Variants in LRRC7 observed in about 807,000 individuals in gnomAD.
LRRC7 encodes leucine rich repeat containing 7.
A neutral mutation model predicts 175.7 loss-of-function variants in LRRC7; 23 were observed. The observed-to-expected ratio is 0.13, with a 90% confidence interval of 0.09 to 0.19. LRRC7 has a LOEUF of 0.19. Ranked by LOEUF, LRRC7 falls within the 10% of genes least tolerant of loss-of-function variation. The pLI is 1.00. For missense variants in LRRC7, 1,354 were observed against 1,904.7 expected (o/e 0.71, Z 5.38); for synonymous variants, 685 against 680.9 (o/e 1.01, Z -0.09).
rs550624815 is a variant in LRRC7 at position 69,880,067 on chromosome 1, C to G, written c.647+41784C>G. Among the ~76,000 whole-genome samples the G allele has an allele frequency of 2.0e-4, 30 of 152,200 alleles. No individual in the cohort carries two copies. The South Asian group carries it at 6.0e-3, about 31-fold the overall frequency. On this transcript the variant is annotated intron_variant, in intron 7 of 26. Coordinates refer to ENST00000651989, the MANE Select transcript of LRRC7 (RefSeq NM_001370785.2). ...TAATTACAGGAAGTTGGTATTTCTC[C>G]GGGAAATGCTCCGAGACACTGGAGA...
At chr1:69,588,902 T>G (rs1164573064) in intron 1 of LRRC7, among the ~76,000 whole-genome samples, 1 of 152,084 alleles carries the variant, frequency 6.6e-6, no homozygotes, top group Non-Finnish European at 1.5e-5. Context: ...CTTGACAAAC[T>G]TATCAAGTTG....
chr1:69,891,254 G>A (rs1439966545), intron 7 of LRRC7, among the ~76,000 whole-genome samples: 2 of 152,194 alleles, frequency 1.3e-5, no homozygotes, highest in African/African-American at 4.8e-5. Flanking sequence ...GACCATTATA[G>A]GGTTATTGAT....
At chr1:70,035,890 A>G (rs569476893) in intron 18 of LRRC7, among the ~76,000 whole-genome samples, 2 of 152,174 alleles carry the variant, frequency 1.3e-5, no homozygotes, top group Non-Finnish European at 2.9e-5. Flanking sequence ...AGTGCCAGGC[A>G]TATAAACAAC....
At chr1:69,626,140 TTGG>T (rs1253850166) in intron 1 of LRRC7, among the ~76,000 whole-genome samples, 55 of 152,318 alleles carry the variant, frequency 3.6e-4, no homozygotes, top group African/African-American at 1.3e-3. Flanking sequence ...TCAGTCCATC[TTGG>T]GACCCGTTAA....
Position 70,136,082 on chromosome 1 carries a change from TG to T in LRRC7, c.*14196del, listed in dbSNP as rs1666859247. ...GTGTGTCTGTGTGTGTGTCTGTGTG[TG>T]TGTGTGTGTGTGTGTCTATATATCT... is the stretch of plus-strand genomic sequence containing the variant. On this transcript the variant is annotated 3_prime_UTR_variant, in exon 27 of 27. Coordinates refer to ENST00000651989, the MANE Select transcript of LRRC7 (RefSeq NM_001370785.2). Among the ~76,000 whole-genome samples, 2 of 146,942 alleles carry T rather than the reference TG, an allele frequency of 1.4e-5. No homozygotes were observed. Among genetic ancestry groups the T allele is most frequent in the Admixed American group, 6.7e-5 (1 of 14,920 alleles).
At chr1:69,819,554 GCTCT>G (rs147116955) in intron 4 of LRRC7, among the ~76,000 whole-genome samples, 41 of 134,584 alleles carry the variant, frequency 3.0e-4, no homozygotes, top group East Asian at 9.1e-4. Context: ...TGAATGGAAT[GCTCT>G]CTCTCTCTCT....
At chr1:69,627,253 A>C (rs36185275) in intron 1 of LRRC7, among the ~76,000 whole-genome samples, 3,829 of 152,162 alleles carry the variant, frequency 0.025, 84 homozygotes, top group Non-Finnish European at 0.042. Context: ...CTGACTTTTT[A>C]ATGATCACCA....
chr1:69,785,741 G>C lies in LRRC7; in HGVS notation c.304-6302G>C, dbSNP rs148266210. On this transcript the variant is annotated intron_variant, in intron 3 of 26. Coordinates refer to ENST00000651989, the MANE Select transcript of LRRC7 (RefSeq NM_001370785.2). ...TTTAACTTTGATCTAAAGTTAATCA[G>C]TATCTTTGCCTTCCTCCCAAACAAT... Among the ~76,000 whole-genome samples the C allele has an allele frequency of 6.6e-5, 10 of 151,986 alleles. No homozygotes were observed. In the East Asian group the frequency reaches 1.9e-3, roughly 29 times the overall value.
intron 2 of LRRC7, among the ~76,000 whole-genome samples, chr1:69,752,958 A>G (rs1227284150): frequency 6.6e-6 from 1 of 152,094 alleles, no homozygotes; most frequent in African/African-American, 2.4e-5. Context: ...CTGTGTGCAG[A>G]CATGTGGTAA....
At chr1:69,802,755 G>T (rs1165729068) in intron 4 of LRRC7, among the ~76,000 whole-genome samples, 1 of 151,132 alleles carries the variant, frequency 6.6e-6, no homozygotes, top group African/African-American at 2.4e-5. Flanking sequence ...TTTTCCTGTT[G>T]TAATGTTTTT....
chr1:69,568,639 G>C lies in LRRC7; in HGVS notation c.-1G>C, dbSNP rs1434153999. 6 of 1,352,236 alleles carry C rather than the reference G, an allele frequency of 4.4e-6. No individual in the cohort carries two copies. The highest frequency in any genetic ancestry group is 5.9e-6 in the Non-Finnish European group (6 of 1,016,028). 83.8% of individuals were successfully genotyped at this position (1,352,236 alleles called of 1,614,324 possible). On this transcript the variant is annotated splice_region_variant and 5_prime_UTR_variant, in exon 1 of 27. Coordinates refer to ENST00000651989, the MANE Select transcript of LRRC7 (RefSeq NM_001370785.2). ...CTCATGGGCAGTTTCTCCCGCCGGC[G>C]ATGTGAGTAAGGCACGCTCGCTCCG... is the stretch of plus-strand genomic sequence containing the variant.
chr1:69,909,010 T>C (rs989697629), intron 7 of LRRC7, among the ~76,000 whole-genome samples: 2 of 151,812 alleles, frequency 1.3e-5, no homozygotes, highest in African/African-American at 4.8e-5. Context: ...AATTGATCCC[T>C]TTACCATTAT....
chr1:69,668,868 G>A (rs1658655738), intron 1 of LRRC7, among the ~76,000 whole-genome samples: 1 of 152,150 alleles, frequency 6.6e-6, no homozygotes, highest in South Asian at 2.1e-4. Context: ...TCTCATTGGA[G>A]TTTTGATTTG....
At chr1:69,911,921 A>G (rs577980605) in intron 7 of LRRC7, among the ~76,000 whole-genome samples, 22 of 150,234 alleles carry the variant, frequency 1.5e-4, no homozygotes, top group African/African-American at 5.3e-4. Flanking sequence ...AAATATTTGA[A>G]AAAAAAAAAA....
intron 8 of LRRC7, among the ~76,000 whole-genome samples, chr1:69,978,075 A>T (rs142326155): frequency 0.013 from 2,028 of 152,290 alleles, 45 homozygotes; most frequent in African/African-American, 0.047. Flanking sequence ...AGGCAGGTGG[A>T]TCACCTGAAG....
intron 1 of LRRC7, among the ~76,000 whole-genome samples, chr1:69,652,313 A>G (rs573989327): frequency 4.9e-4 from 74 of 152,328 alleles, no homozygotes; most frequent in African/African-American, 1.7e-3. Context: ...CAAAATCAAC[A>G]CACAAAAAAT....
At chr1:70,074,073 AG>A (rs1179461595) in intron 23 of LRRC7, among the ~76,000 whole-genome samples, 1 of 152,056 alleles carries the variant, frequency 6.6e-6, no homozygotes, top group Admixed American at 6.6e-5. Context: ...ATGGTGATGC[AG>A]GCCTGTAATC....
chr1:69,984,894 TC>T (rs1653791679), intron 9 of LRRC7, among the ~76,000 whole-genome samples: 1 of 152,196 alleles, frequency 6.6e-6, no homozygotes, highest in Admixed American at 6.5e-5. Flanking sequence ...AGAAACCCTT[TC>T]AGCATCTGGC....
chr1:70,009,812 T>G (rs1570998970), intron 11 of LRRC7, among the ~76,000 whole-genome samples: 2 of 152,356 alleles, frequency 1.3e-5, no homozygotes, highest in South Asian at 4.1e-4. Flanking sequence ...TCTGTTAAGG[T>G]GATGAAGTTT....
Sources: gnomAD v4.1 joint callset for allele counts (sites outside exome capture counted in the v4.1 genomes callset) on GRCh38, gnomAD v4.1.1 for gene constraint, MANE v1.5 for transcripts, NCBI Gene and HGNC (gene_info 2026-07-23, HGNC 2026-07-21) for gene names.